Variants in TNIK observed in about 807,000 individuals in gnomAD.
TNIK encodes TRAF2 and NCK-interacting protein kinase.
Under a neutral mutation model 191.3 loss-of-function variants are expected in TNIK, and 49 were observed. The observed-to-expected ratio is 0.26, with a 90% CI of 0.20 to 0.32. The LOEUF is 0.32. Among genes scored for constraint, TNIK ranks in the 10% least tolerant of loss-of-function variants. The pLI is 1.00. For missense variants in TNIK, 1,155 were observed against 1,702.3 expected, an observed-to-expected ratio of 0.68 and a Z score of 5.66; for synonymous variants, 594 against 600.9, an observed-to-expected ratio of 0.99 and a Z score of 0.17.
At chr3:171,299,524 A>G (rs562164388) in intron 2 of TNIK, among the ~76,000 whole-genome samples, 1 of 152,308 alleles carries the variant, frequency 6.6e-6, no homozygotes, top group African/African-American at 2.4e-5. Context: ...ACTTGATACA[A>G]TGAAAGGTGA....
At chr3:171,230,821 C>G (rs1743529422) in intron 2 of TNIK, among the ~76,000 whole-genome samples, 1 of 152,152 alleles carries the variant, frequency 6.6e-6, no homozygotes, top group African/African-American at 2.4e-5. Context: ...CTCTCTCCCT[C>G]TCTGGTCTTC....
At chr3:171,333,510 G>A (rs1756618571) in intron 2 of TNIK, among the ~76,000 whole-genome samples, 2 of 150,834 alleles carry the variant, frequency 1.3e-5, no homozygotes, top group Admixed American at 6.6e-5. Context: ...GGAGGCAGAG[G>A]TTGCAGCGAG....
chr3:171,094,002 T>C (rs1167340776), intron 22 of TNIK, 34 bp from the exon 23 acceptor site: 1 of 1,600,750 alleles, frequency 6.2e-7, no homozygotes, highest in East Asian at 2.2e-5. Context: ...CATGGCAATG[T>C]ATCTTTAGGA....
At chr3:171,315,293 G>A (rs903114556) in intron 2 of TNIK, among the ~76,000 whole-genome samples, 1 of 152,130 alleles carries the variant, frequency 6.6e-6, no homozygotes, top group African/African-American at 2.4e-5. Flanking sequence ...TGATGATGAC[G>A]TGAACTGTGA....
At chr3:171,224,274 T>G (rs1167486656) in intron 3 of TNIK, among the ~76,000 whole-genome samples, 1 of 152,142 alleles carries the variant, frequency 6.6e-6, no homozygotes, top group Non-Finnish European at 1.5e-5. Flanking sequence ...TTCATTCAGT[T>G]TGAGTGGCGG....
chr3:171,175,348 A>G lies in TNIK; in HGVS notation c.695-18T>C. 6.3e-7 allele frequency: 1 copy of G among 1,598,842 alleles called. No homozygotes were observed. Among genetic ancestry groups the G allele is most frequent in the Non-Finnish European group, 8.5e-7 (1 of 1,173,374 alleles). On this transcript the variant is annotated intron_variant, in intron 8 of 32. Coordinates refer to ENST00000436636, the MANE Select transcript of TNIK (RefSeq NM_015028.4). ...ACAGAGAGCTGCAAGAGACCAAAACAAGGGCCAGCTACAGTTAGGAGGCCA... is the reference window on the plus strand; with the variant it reads ...ACAGAGAGCTGCAAGAGACCAAAACGAGGGCCAGCTACAGTTAGGAGGCCA...
chr3:171,201,616 T>C (rs1344997842), intron 4 of TNIK, among the ~76,000 whole-genome samples: 2 of 152,164 alleles, frequency 1.3e-5, no homozygotes, highest in African/African-American at 4.8e-5. Flanking sequence ...GGCTGCTTTA[T>C]GTGCAAAAGG....
At chr3:171,088,922 C>T (rs1281312932) in intron 23 of TNIK, among the ~76,000 whole-genome samples, 5 of 152,258 alleles carry the variant, frequency 3.3e-5, no homozygotes, top group Non-Finnish European at 7.3e-5. Context: ...AAGCATTCTA[C>T]TGGCATGTGC....
intron 1 of TNIK, among the ~76,000 whole-genome samples, chr3:171,452,512 G>A (rs115363090): frequency 4.9e-4 from 75 of 151,998 alleles, no homozygotes; most frequent in Non-Finnish European, 8.7e-4. Flanking sequence ...GCTTTATGAC[G>A]CTGGGCTCTA....
chr3:171,240,757 A>C (rs138150900), intron 2 of TNIK, among the ~76,000 whole-genome samples: 199 of 152,038 alleles, frequency 1.3e-3, no homozygotes, highest in African/African-American at 4.6e-3. Context: ...TAAAACTTCA[A>C]CTCCACTTTA....
intron 2 of TNIK, among the ~76,000 whole-genome samples, chr3:171,367,523 G>T (rs1056216720): frequency 1.3e-5 from 2 of 151,974 alleles, no homozygotes; most frequent in African/African-American, 4.8e-5. Flanking sequence ...AGACTGGAGT[G>T]CAGTGGCAAG....
At position 171,363,518 on chromosome 3, in the gene TNIK, C is replaced by T. The variant is rs572097026; in HGVS notation, c.123+6102G>A. Among the ~76,000 whole-genome samples the T allele has an allele frequency of 1.2e-4, 18 of 152,252 alleles. No homozygotes were observed. The South Asian group carries it at 2.1e-3, about 18-fold the overall frequency. Reference sequence around the variant, plus strand: ...TAGAAATTCTTGATTAAAAAACAAACGCCACTATTATCTATAAAACACACC... The same window carrying T: ...TAGAAATTCTTGATTAAAAAACAAATGCCACTATTATCTATAAAACACACC... On this transcript the variant is annotated intron_variant, in intron 2 of 32. Coordinates refer to ENST00000436636, the MANE Select transcript of TNIK (RefSeq NM_015028.4).
At chr3:171,136,528 C>T (rs749122950) in intron 15 of TNIK, among the ~76,000 whole-genome samples, 1 of 152,138 alleles carries the variant, frequency 6.6e-6, no homozygotes, top group Non-Finnish European at 1.5e-5. Flanking sequence ...TTCTTCCAAA[C>T]CAAGTCTAAT....
At chr3:171,231,473 C>T (rs1014088426) in intron 2 of TNIK, among the ~76,000 whole-genome samples, 5 of 152,068 alleles carry the variant, frequency 3.3e-5, no homozygotes, top group African/African-American at 1.2e-4. Flanking sequence ...CTTGGGATGG[C>T]AGTTTGGGCT....
chr3:171,140,238 T>C (rs1244749649), intron 13 of TNIK, among the ~76,000 whole-genome samples, 161 bp downstream of exon 13: 1 of 152,144 alleles, frequency 6.6e-6, no homozygotes, highest in African/African-American at 2.4e-5. Flanking sequence ...ATTGCCAAGG[T>C]TGTACATTTG....
chr3:171,125,594 A>C (rs564660415), intron 17 of TNIK, among the ~76,000 whole-genome samples: 8 of 152,214 alleles, frequency 5.3e-5, no homozygotes, highest in Admixed American at 2.0e-4. Context: ...CATCAATGAA[A>C]TATCCATTAC....
chr3:171,090,861 T>A (rs1482695116), intron 23 of TNIK, among the ~76,000 whole-genome samples: 1 of 152,248 alleles, frequency 6.6e-6, no homozygotes, highest in Non-Finnish European at 1.5e-5. Flanking sequence ...TAGAGTGGTA[T>A]GTTCTTATAG....
intron 2 of TNIK, among the ~76,000 whole-genome samples, chr3:171,247,979 AG>A (rs1745798518): frequency 6.6e-6 from 1 of 152,192 alleles, no homozygotes. Context: ...GTCTCGCTGA[AG>A]ATGACTGCAG....
chr3:171,378,760 A>G (rs1299042897), intron 1 of TNIK, among the ~76,000 whole-genome samples: 3 of 152,250 alleles, frequency 2.0e-5, no homozygotes, highest in African/African-American at 4.8e-5. Context: ...CCCATTTTAC[A>G]GAAGAGCAAA....
Sources: gnomAD v4.1 joint callset for allele counts (sites outside exome capture counted in the v4.1 genomes callset) on GRCh38, gnomAD v4.1.1 for gene constraint, MANE v1.5 for transcripts, NCBI Gene and HGNC (gene_info 2026-07-23, HGNC 2026-07-21) for gene names.